ATP6V0D1: variants seen among roughly 807,000 people sequenced by gnomAD.
ATP6V0D1 encodes the protein ATPase H+ transporting V0 subunit d1.
ATP6V0D1 carries 13 observed loss-of-function variants against 39.0 expected under a neutral mutation model. That is an observed-to-expected ratio of 0.33 (90% CI 0.22 to 0.53). ATP6V0D1 has a LOEUF of 0.53. Ranked by LOEUF, ATP6V0D1 falls within the 20% of genes least tolerant of loss-of-function variation. ATP6V0D1 has a pLI of 0.94. For missense variants in ATP6V0D1, 272 were observed against 470.9 expected (o/e 0.58, Z 3.91); for synonymous variants, 191 against 191.2 (o/e 1.00, Z 0.01).
chr16:67,446,686 C>T (rs1166085422), intron 2 of ATP6V0D1, among the ~76,000 whole-genome samples: 1 of 152,138 alleles, frequency 6.6e-6, no homozygotes, highest in South Asian at 2.1e-4. Flanking sequence ...GCTGCATATG[C>T]GCCACCCCGC....
rs375609882 is a variant in ATP6V0D1, at chr16:67,447,071, C to T, written c.303-2365G>A. Among the ~76,000 whole-genome samples the T allele has an allele frequency of 5.9e-5, 9 of 152,338 alleles. No homozygotes were observed. Among genetic ancestry groups the T allele is most frequent in the African/African-American group, 1.9e-4 (8 of 41,582 alleles). On this transcript the variant is annotated intron_variant, in intron 2 of 7. Transcript: ENST00000290949. The surrounding 1 kb of genome is among the most constrained non-coding windows in gnomAD (Gnocchi z 4.1). The stretch of plus-strand genomic sequence containing the variant: ...CTCAGAGGGATCCCCACCAGCCAAT[C>T]TCCTCTTTTTCAACGTCCCCCTCCT...
At chr16:67,471,373 G>A (rs2041371511) in intron 1 of ATP6V0D1, among the ~76,000 whole-genome samples, 1 of 152,054 alleles carries the variant, frequency 6.6e-6, no homozygotes, top group Admixed American at 6.6e-5. Flanking sequence ...ATTCTTAGTA[G>A]ATATGGGGGT....
intron 2 of ATP6V0D1, among the ~76,000 whole-genome samples, chr16:67,446,388 C>T (rs2041115673): frequency 6.6e-6 from 1 of 152,220 alleles, no homozygotes; most frequent in South Asian, 2.1e-4. Flanking sequence ...TCTCCACCCC[C>T]AATCTGGCTG....
Position 67,438,320 on chromosome 16 carries a change from G to T in ATP6V0D1, c.*208C>A, listed in dbSNP as rs566352816. ...AGGGGGTCTTCGTCCATCCTTGGTGGGGGGGGGTGCCCAGCCCCTTTTCAG... is the reference window on the plus strand; with the variant it reads ...AGGGGGTCTTCGTCCATCCTTGGTGTGGGGGGGTGCCCAGCCCCTTTTCAG... On this transcript the variant is annotated 3_prime_UTR_variant, in exon 8 of 8. Transcript: ENST00000290949. 5.2e-5 allele frequency: 32 copies of T among 621,048 alleles called. No homozygotes were observed. Among genetic ancestry groups the T allele is most frequent in the East Asian group, 4.9e-4 (17 of 34,856 alleles). The allele number at this position is 621,048 out of a possible 1,614,324, so 38.5% of individuals were successfully genotyped here.
chr16:67,470,098 C>T lies in ATP6V0D1; in HGVS notation c.130+10859G>A, dbSNP rs150935040. Among the ~76,000 whole-genome samples, 283 of 152,262 alleles carry T rather than the reference C, an allele frequency of 1.9e-3. 1 individual carries two copies. The highest frequency in any genetic ancestry group is 6.5e-3 in the African/African-American group (269 of 41,538). ...CATGGTTTACTTAACCAGACCATAA[C>T]CAAATCACCGGATATTCCATTGGTT... is the stretch of plus-strand genomic sequence containing the variant. On this transcript the variant is annotated intron_variant, in intron 1 of 7. Transcript: ENST00000290949.
At chr16:67,471,545 T>C (rs2041373113) in intron 1 of ATP6V0D1, among the ~76,000 whole-genome samples, 1 of 152,146 alleles carries the variant, frequency 6.6e-6, no homozygotes, top group Admixed American at 6.5e-5. Context: ...AGTTTGAAAA[T>C]ATATAATGAA....
In ATP6V0D1 at chr16:67,447,814, C is replaced by T. The variant is rs1026294258; in HGVS notation, c.303-3108G>A. 6.6e-6 allele frequency among the ~76,000 whole-genome samples: 1 copy of T among 152,234 alleles called. No individual in the cohort carries two copies. The highest frequency in any genetic ancestry group is 1.5e-5 in the Non-Finnish European group (1 of 68,044). ...CTGCTGGAACAATATGGCTTCTCAA[C>T]CCCGGGTGGCTGGTCTGGTGCTGGT... On this transcript the variant is annotated intron_variant, in intron 2 of 7. Transcript: ENST00000290949. This position sits in a 1 kb window ranked among gnomAD's most constrained non-coding sequence, Gnocchi z 4.1.
intron 2 of ATP6V0D1, chr16:67,445,855 T>G: frequency 2.2e-6 from 1 of 449,474 alleles, no homozygotes; most frequent in South Asian, 1.6e-5. Context: ...ATTCCACAGT[T>G]AGGCTGCAGT....
chr16:67,480,721 A>G (rs2041464191), intron 1 of ATP6V0D1, among the ~76,000 whole-genome samples: 1 of 152,046 alleles, frequency 6.6e-6, no homozygotes, highest in African/African-American at 2.4e-5. Context: ...GCGAGAGAAA[A>G]GGTGGCCCAA....
chr16:67,480,312 G>T (rs1226730131), intron 1 of ATP6V0D1, among the ~76,000 whole-genome samples: 1 of 152,048 alleles, frequency 6.6e-6, no homozygotes, highest in African/African-American at 2.4e-5. Flanking sequence ...GTCCCAACAG[G>T]CATCCCCCTC....
chr16:67,465,881 G>C (rs1344092843), intron 1 of ATP6V0D1, among the ~76,000 whole-genome samples: 1 of 152,166 alleles, frequency 6.6e-6, no homozygotes, highest in Non-Finnish European at 1.5e-5. Context: ...CAGTGCTGGT[G>C]GCAGCTGCCC....
At chr16:67,458,496 C>A (rs1234286337) in intron 1 of ATP6V0D1, among the ~76,000 whole-genome samples, 1 of 152,122 alleles carries the variant, frequency 6.6e-6, no homozygotes, top group Non-Finnish European at 1.5e-5. Flanking sequence ...CACTGAGAGG[C>A]CCAGACGTGC....
At chr16:67,451,709 A>G (rs922021565) in intron 2 of ATP6V0D1, among the ~76,000 whole-genome samples, 2 of 152,240 alleles carry the variant, frequency 1.3e-5, no homozygotes, top group African/African-American at 4.8e-5. Flanking sequence ...GGAAGCCACA[A>G]TCACCCATGA....
At chr16:67,449,175 G>A (rs2142307992) in intron 2 of ATP6V0D1, among the ~76,000 whole-genome samples, 1 of 152,306 alleles carries the variant, frequency 6.6e-6, no homozygotes, top group Non-Finnish European at 1.5e-5. Context: ...GAGAAATATG[G>A]GCCCTCAGAT....
chr16:67,469,257 G>A (rs7187478), intron 1 of ATP6V0D1, among the ~76,000 whole-genome samples: 12,426 of 152,168 alleles, frequency 0.082, 1,678 homozygotes, highest in African/African-American at 0.28. Context: ...GCAGTGAGCC[G>A]AGATTGCGCC....
At position 67,444,777 on chromosome 16, in the gene ATP6V0D1, C is replaced by T. The variant is rs2041095761; in HGVS notation, c.303-71G>A. Reference sequence around the variant, plus strand: ...GGGAAGTCCTGGCATAGCACCATGCCCTCGCCCGCCTGCACAGGCCATCAC... The same window carrying T: ...GGGAAGTCCTGGCATAGCACCATGCTCTCGCCCGCCTGCACAGGCCATCAC... On this transcript the variant is annotated intron_variant, in intron 2 of 7. Transcript: ENST00000290949. The surrounding 1 kb of genome is among the most constrained non-coding windows in gnomAD (Gnocchi z 4.8). The T allele has an allele frequency of 7.2e-7, 1 of 1,392,504 alleles. No homozygotes were observed. The highest frequency in any genetic ancestry group is 1.4e-5 in the South Asian group (1 of 72,426). The allele number at this position is 1,392,504 out of a possible 1,614,324, so 86.3% of individuals were successfully genotyped here.
intron 1 of ATP6V0D1, chr16:67,457,561 C>T (rs1160733405): frequency 1.6e-6 from 2 of 1,289,168 alleles, no homozygotes; most frequent in East Asian, 1.1e-4. Context: ...ACTCACTGCT[C>T]ACCTGACAGG....
chr16:67,447,127 T>TG lies in ATP6V0D1; in HGVS notation c.303-2422dup, dbSNP rs1157244840. 6.6e-6 allele frequency among the ~76,000 whole-genome samples: 1 copy of TG among 152,152 alleles called. No homozygotes were observed. On this transcript the variant is annotated intron_variant, in intron 2 of 7. Coordinates refer to ENST00000290949, the MANE Select transcript of ATP6V0D1 (RefSeq NM_004691.5). This position sits in a 1 kb window ranked among gnomAD's most constrained non-coding sequence, Gnocchi z 4.1. ...CCCCCACTCAGGGCATCTGTTTATGTGGGGGAAATGCTGAGCCTAGTAAGG... is the reference window on the plus strand; with the variant it reads ...CCCCCACTCAGGGCATCTGTTTATGTGGGGGGAAATGCTGAGCCTAGTAAGG...
intron 1 of ATP6V0D1, among the ~76,000 whole-genome samples, chr16:67,468,430 A>T (rs2041347160): frequency 6.6e-6 from 1 of 152,034 alleles, no homozygotes; most frequent in Non-Finnish European, 1.5e-5. Flanking sequence ...TCTACAAAAC[A>T]TACAAAAATT....
Sources: allele counts gnomAD v4.1 joint callset (sites outside exome capture counted in the v4.1 genomes callset), GRCh38; gene constraint gnomAD v4.1.1; non-coding constraint Gnocchi (gnomAD v3.1); transcripts MANE v1.5; gene names NCBI Gene and HGNC (gene_info 2026-07-23, HGNC 2026-07-21).